Variants in CRISPLD2 observed in about 807,000 individuals in gnomAD.
CRISPLD2 encodes the protein cysteine rich secretory protein LCCL domain containing 2.
CRISPLD2 carries 47 observed loss-of-function variants against 71.1 expected under a neutral mutation model. The ratio of observed to expected loss-of-function variants is 0.66; its 90% CI spans 0.52 to 0.84. The LOEUF (loss-of-function observed/expected upper bound fraction) is 0.84. CRISPLD2 is among the 40% of genes least tolerant of loss of function. The probability of loss-of-function intolerance (pLI) is 0.00; values close to 1 mark genes in which losing one functional copy is unlikely to be tolerated. For synonymous variants in CRISPLD2, 317 were observed against 250.1 expected, an observed-to-expected ratio of 1.27 and a Z score of -2.52; for missense variants, 830 against 651.1, an observed-to-expected ratio of 1.27 and a Z score of -2.99.
At chr16:84,837,077 C>A (rs1192640504) in intron 1 of CRISPLD2, among the ~76,000 whole-genome samples, 1 of 152,220 alleles carries the variant, frequency 6.6e-6, no homozygotes, top group Non-Finnish European at 1.5e-5. Context: ...CGGAGTCCAG[C>A]ACAAAATAAG....
chr16:84,860,524 C>A (rs1425970401), intron 6 of CRISPLD2, among the ~76,000 whole-genome samples: 1 of 151,614 alleles, frequency 6.6e-6, no homozygotes, highest in Non-Finnish European at 1.5e-5. Context: ...TCTTGCCTGG[C>A]AGCTGCCTCA....
intron 13 of CRISPLD2, among the ~76,000 whole-genome samples, chr16:84,881,542 G>A (rs9939956): frequency 0.021 from 3,178 of 152,256 alleles, 110 homozygotes; most frequent in African/African-American, 0.073. Context: ...TCCTTGTGGC[G>A]GAACGGCCCA....
At chr16:84,906,226 C>T (rs780953027) in intron 14 of CRISPLD2, among the ~76,000 whole-genome samples, 12 of 151,976 alleles carry the variant, frequency 7.9e-5, no homozygotes, top group Non-Finnish European at 1.3e-4. Context: ...AGCACCTGTT[C>T]ATCTCTCCCA....
intron 6 of CRISPLD2, among the ~76,000 whole-genome samples, chr16:84,858,876 T>G (rs2143244399): frequency 6.6e-6 from 1 of 152,196 alleles, no homozygotes; most frequent in Admixed American, 6.5e-5. Context: ...TGAAACCACA[T>G]CTGGTGCAGC....
In CRISPLD2 at chr16:84,834,394, G is replaced by A. The variant is rs112370399; in HGVS notation, c.-74-4028G>A. 8.9e-4 allele frequency among the ~76,000 whole-genome samples: 136 copies of A among 152,338 alleles called. 1 individual carries two copies. Among genetic ancestry groups the A allele is most frequent in the African/African-American group, 3.1e-3 (130 of 41,578 alleles). On this transcript the variant is annotated intron_variant, in intron 1 of 14. Transcript: ENST00000262424. The stretch of plus-strand genomic sequence containing the variant: ...GTGGAAGTGCTTCGGTCCCGGTTCC[G>A]ACTGAGCTGTCTCAGAAGTGAGGGT...
chr16:84,875,804 G>T (rs1455788719), intron 11 of CRISPLD2, among the ~76,000 whole-genome samples: 6 of 150,512 alleles, frequency 4.0e-5, no homozygotes, highest in Non-Finnish European at 8.9e-5. Flanking sequence ...GACCTCAGGT[G>T]ATCCACCCGC....
intron 6 of CRISPLD2, among the ~76,000 whole-genome samples, chr16:84,857,557 T>C (rs1040429689): frequency 1.3e-5 from 2 of 152,206 alleles, no homozygotes; most frequent in Non-Finnish European, 2.9e-5. Flanking sequence ...ATGCAAAGTG[T>C]ACAGCCAGGT....
At chr16:84,901,904 C>T (rs1039642541) in intron 14 of CRISPLD2, among the ~76,000 whole-genome samples, 2 of 150,126 alleles carry the variant, frequency 1.3e-5, no homozygotes, top group Non-Finnish European at 3.0e-5. Context: ...AATGATTCTC[C>T]TGCCTCAGCC....
At chr16:84,896,523 C>T (rs113583925) in intron 14 of CRISPLD2, among the ~76,000 whole-genome samples, 133 of 152,272 alleles carry the variant, frequency 8.7e-4, no homozygotes, top group African/African-American at 2.4e-3. Context: ...TCAAATTTTG[C>T]ATTTTGATTG....
intron 1 of CRISPLD2, among the ~76,000 whole-genome samples, chr16:84,823,477 G>A (rs376590822): frequency 7.9e-5 from 12 of 152,330 alleles, no homozygotes; most frequent in African/African-American, 2.9e-4. Flanking sequence ...CTCAGGTCAT[G>A]TCATTCCAGA....
intron 14 of CRISPLD2, among the ~76,000 whole-genome samples, chr16:84,905,828 G>A (rs555290654): frequency 6.6e-6 from 1 of 150,486 alleles, no homozygotes; most frequent in Admixed American, 6.7e-5. Flanking sequence ...TTCTGCCTCA[G>A]CCTCCCGAGT....
At position 84,838,442 on chromosome 16, in the gene CRISPLD2, C is replaced by T. The variant is rs1916679921; in HGVS notation, c.-54C>T. 2 of 1,583,596 alleles carry T rather than the reference C, an allele frequency of 1.3e-6. No individual in the cohort carries two copies. Among genetic ancestry groups the T allele is most frequent in the African/African-American group, 1.3e-5 (1 of 74,416 alleles). ...TTCAGAGCTCAAGCGCCCAGCTCTG[C>T]CCGAGGAGCCCAGGCTGCCCCGTGA... On this transcript the variant is annotated 5_prime_UTR_variant, in exon 2 of 15. Transcript: ENST00000262424.
At chr16:84,874,653 C>T (rs986785127) in intron 11 of CRISPLD2, among the ~76,000 whole-genome samples, 8 of 152,152 alleles carry the variant, frequency 5.3e-5, no homozygotes, top group Non-Finnish European at 1.2e-4. Context: ...ATCATTTGCC[C>T]TCATGCAAAA....
At chr16:84,853,459 C>T (rs567709487) in intron 5 of CRISPLD2, among the ~76,000 whole-genome samples, 6 of 152,300 alleles carry the variant, frequency 3.9e-5, no homozygotes, top group African/African-American at 1.2e-4. Flanking sequence ...GCTGTGTGCA[C>T]GTCATAACAG....
At chr16:84,851,055 T>G (rs1031903711) in intron 5 of CRISPLD2, among the ~76,000 whole-genome samples, 1 of 152,194 alleles carries the variant, frequency 6.6e-6, no homozygotes, top group Non-Finnish European at 1.5e-5. Flanking sequence ...GGGAAAAAGA[T>G]TGCCCCAACT....
intron 10 of CRISPLD2, 54 bp from the exon 11 acceptor site, chr16:84,873,865 CA>C (rs1254954989): frequency 2.7e-6 from 4 of 1,481,740 alleles, no homozygotes; most frequent in Non-Finnish European, 3.7e-6. Context: ...CTTTTAGAAG[CA>C]ATTCTATTTG....
At chr16:84,838,051 G>A (rs1054441321) in intron 1 of CRISPLD2, among the ~76,000 whole-genome samples, 1 of 152,212 alleles carries the variant, frequency 6.6e-6, no homozygotes, top group Non-Finnish European at 1.5e-5. Context: ...AATGACTTTA[G>A]CAATCCCCTT....
chr16:84,847,183 A>G (rs1916937486), intron 3 of CRISPLD2, among the ~76,000 whole-genome samples: 1 of 152,112 alleles, frequency 6.6e-6, no homozygotes. Context: ...TTCACTTCCC[A>G]CAGAGGGATT....
chr16:84,867,867 C>T (rs1250779439), intron 7 of CRISPLD2, among the ~76,000 whole-genome samples: 3 of 152,212 alleles, frequency 2.0e-5, no homozygotes, highest in East Asian at 1.9e-4. Flanking sequence ...AGCTTTTGTT[C>T]TGTCTGCCTT....
Sources: gnomAD v4.1 joint callset for allele counts (sites outside exome capture counted in the v4.1 genomes callset) on GRCh38, gnomAD v4.1.1 for gene constraint, MANE v1.5 for transcripts, NCBI Gene and HGNC (gene_info 2026-07-23, HGNC 2026-07-21) for gene names.